The following CYREN variants were observed in gnomAD, a reference collection of about 807,000 sequenced individuals.
The protein encoded by CYREN is cell cycle regulator of NHEJ.
CYREN carries 7 observed loss-of-function variants against 9.7 expected under a neutral mutation model. That is an observed-to-expected ratio of 0.72 (90% CI 0.41 to 1.36). The LOEUF (loss-of-function observed/expected upper bound fraction) is 1.36, where lower values mean the gene tolerates loss of function less well. Ranked by LOEUF, CYREN falls within the 40% of genes most tolerant of loss-of-function variation. The pLI is 0.01. For synonymous variants in CYREN, 76 were observed against 77.9 expected (o/e 0.98, Z 0.13); for missense variants, 215 against 198.1 (o/e 1.09, Z -0.51).
intron 2 of CYREN, among the ~76,000 whole-genome samples, chr7:135,124,181 A>C (rs1827530621): frequency 6.6e-6 from 1 of 151,868 alleles, no homozygotes; most frequent in African/African-American, 2.4e-5. Context: ...TAGGCTCAAA[A>C]TAAAGGGATG....
intron 1 of CYREN, 46 bp from the exon 2 acceptor site, chr7:135,169,106 T>C: frequency 1.7e-6 from 1 of 599,464 alleles, no homozygotes; most frequent in Non-Finnish European, 2.8e-6. Context: ...CCTCCAGTCA[T>C]CAGGCACAGT....
At chr7:135,163,002 C>A (rs1421183123), downstream of CYREN, among the ~76,000 whole-genome samples, 1 of 152,220 alleles carries the variant, frequency 6.6e-6, no homozygotes, top group Admixed American at 6.5e-5. Flanking sequence ...GATATTTCTA[C>A]CCTTGATCCA....
At chr7:135,169,995 C>T (rs1205349533) in intron 1 of CYREN, among the ~76,000 whole-genome samples, 1 of 152,262 alleles carries the variant, frequency 6.6e-6, no homozygotes, top group African/African-American at 2.4e-5. Flanking sequence ...ATATTAGTGA[C>T]TCCTACCCCC....
At chr7:135,158,518 C>CA (rs1213230750) in intron 2 of CYREN, among the ~76,000 whole-genome samples, 1 of 152,250 alleles carries the variant, frequency 6.6e-6, no homozygotes, top group Non-Finnish European at 1.5e-5. Flanking sequence ...CATGGCAGGG[C>CA]AGGGGGTCTT....
intron 2 of CYREN, among the ~76,000 whole-genome samples, chr7:135,101,843 A>G (rs1176290005): frequency 2.0e-5 from 3 of 152,094 alleles, no homozygotes; most frequent in African/African-American, 7.2e-5. Flanking sequence ...CATAATTCCC[A>G]CATGTTGTGG....
intron 2 of CYREN, chr7:135,115,306 C>A: frequency 1.0e-6 from 1 of 960,438 alleles, no homozygotes; most frequent in Non-Finnish European, 1.5e-6. Context: ...AAATCCTTGG[C>A]ATATAATAAT....
chr7:135,166,384 A>C lies in CYREN; in HGVS notation c.*227T>G. The C allele has an allele frequency of 1.8e-6, 1 of 556,658 alleles. No individual in the cohort carries two copies. The allele number at this position is 556,658 out of a possible 1,614,324, so 34.5% of individuals were successfully genotyped here. ...GCACAGTACATACAGAGGGAGTCAA[A>C]TGGGATCTCATTTTGAGTCCTGCCT... On this transcript the variant is annotated 3_prime_UTR_variant, in exon 4 of 4. Coordinates refer to ENST00000393114, the MANE Select transcript of CYREN (RefSeq NM_024033.4).
intron 2 of CYREN, among the ~76,000 whole-genome samples, chr7:135,102,601 AGAACTTTG>A (rs66538570): frequency 0.48 from 72,085 of 149,594 alleles, 17,693 homozygotes; most frequent in South Asian, 0.65. Context: ...TCAGTATGAG[AGAACTTTG>A]GTCCTTTCTC....
At chr7:135,103,641 T>C (rs1403141988) in intron 2 of CYREN, among the ~76,000 whole-genome samples, 1 of 152,172 alleles carries the variant, frequency 6.6e-6, no homozygotes, top group African/African-American at 2.4e-5. Flanking sequence ...TCACATTCTA[T>C]CTCAGTAGGA....
chr7:135,106,808 A>T (rs1016365788), intron 2 of CYREN, among the ~76,000 whole-genome samples: 2 of 152,112 alleles, frequency 1.3e-5, no homozygotes, highest in Non-Finnish European at 2.9e-5. Flanking sequence ...GTCTTTGTAC[A>T]TCTGATTGAA....
chr7:135,121,750 C>A (rs1827164670), intron 2 of CYREN, among the ~76,000 whole-genome samples: 1 of 152,120 alleles, frequency 6.6e-6, no homozygotes, highest in African/African-American at 2.4e-5. Flanking sequence ...CTGGTGTGAT[C>A]CACAGAGAGG....
At chr7:135,097,782 A>G (rs1563261899) in intron 2 of CYREN, among the ~76,000 whole-genome samples, 1 of 152,178 alleles carries the variant, frequency 6.6e-6, no homozygotes, top group Admixed American at 6.5e-5. Flanking sequence ...TATTATATGT[A>G]GGTTGTGACA....
chr7:135,122,640 A>G (rs1206062414), intron 2 of CYREN, among the ~76,000 whole-genome samples: 1 of 152,198 alleles, frequency 6.6e-6, no homozygotes, highest in Non-Finnish European at 1.5e-5. Context: ...TGCTGGCATC[A>G]GGCTGGTACC....
downstream of CYREN, chr7:135,164,757 T>A (rs770162914): frequency 4.4e-5 from 71 of 1,614,080 alleles, no homozygotes; most frequent in South Asian, 7.6e-4. Flanking sequence ...CCTAGCCCAG[T>A]GCAACAGTGA....
intron 2 of CYREN, among the ~76,000 whole-genome samples, chr7:135,143,122 T>C (rs1415484987): frequency 6.6e-6 from 1 of 152,070 alleles, no homozygotes; most frequent in Non-Finnish European, 1.5e-5. Flanking sequence ...CAAGGTGGGA[T>C]GTTCACTTGA....
upstream of CYREN, among the ~76,000 whole-genome samples, chr7:135,172,395 GGTAAAAGTGT>G (rs1830698466): frequency 6.7e-6 from 1 of 150,336 alleles, no homozygotes; most frequent in African/African-American, 2.4e-5. Context: ...TGGTATAAAC[GGTAAAAGTGT>G]GTGTGCCCTC....
intron 2 of CYREN, among the ~76,000 whole-genome samples, chr7:135,112,987 G>A (rs937011571): frequency 1.3e-5 from 2 of 152,120 alleles, no homozygotes; most frequent in East Asian, 1.9e-4. Context: ...CTGTTGGCCA[G>A]GCTAGTCTCG....
At chr7:135,119,975 C>T (rs370808868) in intron 2 of CYREN, among the ~76,000 whole-genome samples, 2 of 152,144 alleles carry the variant, frequency 1.3e-5, no homozygotes, top group South Asian at 2.1e-4. Context: ...CATCAAAACC[C>T]ACAAAGCACA....
At chr7:135,094,555 T>A (rs765107318) in exon 3 of CYREN, 1 of 456,514 alleles carries the variant, frequency 2.2e-6, no homozygotes. Context: ...CAGGTTCTCA[T>A]AGAGCCAAGA....
Sources: allele counts gnomAD v4.1 joint callset (sites outside exome capture counted in the v4.1 genomes callset), GRCh38; gene constraint gnomAD v4.1.1; transcripts MANE v1.5; gene names NCBI Gene and HGNC (gene_info 2026-07-23, HGNC 2026-07-21).